INPP5B: variants seen among roughly 807,000 people sequenced by gnomAD.
INPP5B encodes the protein inositol polyphosphate-5-phosphatase B.
INPP5B carries 90 observed loss-of-function variants against 118.5 expected under a neutral mutation model. That is an observed-to-expected ratio of 0.76 (90% CI 0.64 to 0.90). INPP5B has a LOEUF of 0.90. INPP5B is among the 40% of genes least tolerant of loss of function. The pLI, the probability that INPP5B is intolerant of heterozygous loss-of-function variation, is 0.00. For synonymous variants in INPP5B, 385 were observed against 418.9 expected, an observed-to-expected ratio of 0.92 and a Z score of 0.99; for missense variants, 984 against 1,125.6, an observed-to-expected ratio of 0.87 and a Z score of 1.80.
chr1:37,885,695 C>T lies in INPP5B; in HGVS notation c.1262G>A (p.Arg421Gln), dbSNP rs202221695. Residue 421 changes from arginine (R) to glutamine (Q), a missense_variant, in exon 13 of 24, where the codon CGA becomes CAA. Around this residue, in one of 2 missense-constraint regions of INPP5B, gnomAD observed 634 missense variants for 791.0 expected, o/e 0.80. Transcript: ENST00000373024. ...RNQDYKDICSRMQFCQPDPSL... is the reference protein window; with the variant it reads ...RNQDYKDICSQMQFCQPDPSL... ...TGGGTCAGGCTGACAAAACTGCATT[C>T]GAGAACAAATGTCCTTATAGTCCTG... 5 of 1,613,984 alleles carry T rather than the reference C, an allele frequency of 3.1e-6. No individual in the cohort carries two copies. The highest frequency in any genetic ancestry group is 1.3e-5 in the African/African-American group (1 of 74,924).
chr1:37,864,637 A>G (rs1641919103), intron 22 of INPP5B: 1 of 388,902 alleles, frequency 2.6e-6, no homozygotes, highest in Non-Finnish European at 4.7e-6. Context: ...ATGTTCCTAT[A>G]AGACTGAAAG....
chr1:37,865,731 A>T lies in INPP5B; in HGVS notation c.2514+30T>A. On this transcript the variant is annotated intron_variant, in intron 22 of 23. Transcript: ENST00000373024. ...CCTTAGCCCCATGGGGTCTGGGGCT[A>T]ACCACATGCTGCTCAATGCTTCCTC... 3 of 1,609,066 alleles carry T rather than the reference A, an allele frequency of 1.9e-6. No homozygotes were observed. The South Asian group carries it at 3.3e-5, about 18-fold the overall frequency.
At chr1:37,933,456 G>A (rs1049930012) in intron 6 of INPP5B, among the ~76,000 whole-genome samples, 2 of 152,156 alleles carry the variant, frequency 1.3e-5, no homozygotes, top group African/African-American at 4.8e-5. Flanking sequence ...GCTGAGGCAG[G>A]AGAATCCCTC....
chr1:37,871,315 G>A (rs1642416599), intron 19 of INPP5B, among the ~76,000 whole-genome samples: 1 of 151,208 alleles, frequency 6.6e-6, no homozygotes, highest in African/African-American at 2.4e-5. Flanking sequence ...AAAATTAGCC[G>A]GGTATGGTGG....
At chr1:37,899,767 T>G (rs1041203636) in intron 7 of INPP5B, among the ~76,000 whole-genome samples, 35 of 151,398 alleles carry the variant, frequency 2.3e-4, no homozygotes, top group Admixed American at 1.9e-3. Flanking sequence ...CAGGCTGAAG[T>G]GCAGCGGCAC....
intron 9 of INPP5B, among the ~76,000 whole-genome samples, chr1:37,889,089 C>T (rs1010058446): frequency 1.3e-5 from 2 of 152,060 alleles, no homozygotes; most frequent in Non-Finnish European, 2.9e-5. Flanking sequence ...CCTGTCTCTA[C>T]AAAAATTTAA....
intron 7 of INPP5B, among the ~76,000 whole-genome samples, chr1:37,921,132 T>C (rs939639553): frequency 2.0e-5 from 3 of 152,128 alleles, no homozygotes; most frequent in Admixed American, 2.0e-4. Flanking sequence ...ATAAAAATAA[T>C]AGAGATCCTC....
At chr1:37,898,753 T>C (rs887622065) in intron 7 of INPP5B, among the ~76,000 whole-genome samples, 1 of 151,250 alleles carries the variant, frequency 6.6e-6, no homozygotes, top group Non-Finnish European at 1.5e-5. Flanking sequence ...ATTTAGGACG[T>C]CAGGAGATTC....
chr1:37,931,770 C>T (rs763065833), intron 7 of INPP5B, 143 bp downstream of exon 7: 2 of 1,604,718 alleles, frequency 1.2e-6, no homozygotes, highest in Non-Finnish European at 1.7e-6. Flanking sequence ...CGCTCCGCCC[C>T]CAGACGAACC....
chr1:37,941,081 G>A (rs1307637586), intron 5 of INPP5B, among the ~76,000 whole-genome samples: 1 of 152,086 alleles, frequency 6.6e-6, no homozygotes, highest in Non-Finnish European at 1.5e-5. Context: ...AGGTTCTCTG[G>A]ATGTGTAGTC....
chr1:37,919,989 T>A (rs991004089), intron 7 of INPP5B, among the ~76,000 whole-genome samples: 2 of 152,174 alleles, frequency 1.3e-5, no homozygotes, highest in African/African-American at 4.8e-5. Flanking sequence ...TAAGGCTTAC[T>A]ACGTATTGAG....
chr1:37,864,224 A>G, intron 23 of INPP5B, 88 bp downstream of exon 23: 1 of 718,244 alleles, frequency 1.4e-6, no homozygotes, highest in Non-Finnish European at 2.4e-6. Context: ...GTTCTACTGC[A>G]AGGGACCTGG....
intron 7 of INPP5B, among the ~76,000 whole-genome samples, chr1:37,922,510 A>G (rs1423053863): frequency 1.3e-5 from 2 of 152,030 alleles, no homozygotes; most frequent in African/African-American, 4.8e-5. Flanking sequence ...TCTGGCTAAC[A>G]CGGTGAAACC....
Position 37,882,824 on chromosome 1 carries a change from G to C in INPP5B, c.1414C>G (p.Leu472Val). The change falls in exon 14 of 24, where the codon CTG becomes GTG. Residue 472 changes from leucine (L) to valine (V), a missense_variant. Coordinates refer to ENST00000373024, the MANE Select transcript of INPP5B (RefSeq NM_005540.3). ...KLIEEKDFQMLYAYDQLKIQV... is the reference protein window; with the variant it reads ...KLIEEKDFQMVYAYDQLKIQV... ...ATCTGTACCTGATCATATGCATACA[G>C]CATTTGAAAGTCCTTCTCTTCGATG... The C allele has an allele frequency of 6.2e-7, 1 of 1,613,872 alleles. No individual in the cohort carries two copies. Among genetic ancestry groups the C allele is most frequent in the Non-Finnish European group, 8.5e-7 (1 of 1,179,768 alleles).
intron 18 of INPP5B, 38 bp from the exon 19 acceptor site, chr1:37,873,203 AG>A (rs776944220): frequency 6.9e-7 from 1 of 1,449,478 alleles, no homozygotes; most frequent in East Asian, 2.3e-5. Context: ...GGCCGGGGGC[AG>A]GCCAAGAGGA....
intron 7 of INPP5B, among the ~76,000 whole-genome samples, chr1:37,913,668 C>T (rs1432654069): frequency 2.0e-5 from 3 of 152,126 alleles, no homozygotes; most frequent in South Asian, 2.1e-4. Flanking sequence ...TAATCCTGCT[C>T]GAAGCAGCCC....
chr1:37,924,946 G>T (rs530319417), intron 7 of INPP5B, among the ~76,000 whole-genome samples: 130 of 152,242 alleles, frequency 8.5e-4, no homozygotes, highest in African/African-American at 3.0e-3. Flanking sequence ...GGCCAAGGTG[G>T]GCAGATCACC....
intron 7 of INPP5B, among the ~76,000 whole-genome samples, chr1:37,925,582 G>T (rs1645198080): frequency 6.6e-6 from 1 of 152,156 alleles, no homozygotes; most frequent in African/African-American, 2.4e-5. Context: ...AAGTCAGCTA[G>T]CATCTATCCT....
intron 7 of INPP5B, among the ~76,000 whole-genome samples, chr1:37,924,365 C>T (rs1254277340): frequency 6.6e-6 from 1 of 151,266 alleles, no homozygotes; most frequent in Non-Finnish European, 1.5e-5. Context: ...AACAGGGTTT[C>T]GCCATGTTGA....
Sources: gnomAD v4.1 joint callset for allele counts (sites outside exome capture counted in the v4.1 genomes callset) on GRCh38, gnomAD v4.1.1 for gene constraint, gnomAD v4.1.1 regional missense constraint, MANE v1.5 for transcripts, NCBI Gene and HGNC (gene_info 2026-07-23, HGNC 2026-07-21) for gene names.